Variants in SBK1 observed in about 807,000 individuals in gnomAD.
SBK1 encodes serine/threonine-protein kinase SBK1.
A neutral mutation model predicts 24.4 loss-of-function variants in SBK1; 11 were observed. That is an observed-to-expected ratio of 0.45 (90% CI 0.28 to 0.75). The LOEUF (loss-of-function observed/expected upper bound fraction) is 0.75, where lower values mean the gene tolerates loss of function less well. SBK1 is among the 30% of genes least tolerant of loss of function. The pLI is 0.12. For synonymous variants in SBK1, 308 were observed against 284.4 expected, an observed-to-expected ratio of 1.08 and a Z score of -0.83; for missense variants, 467 against 620.5, an observed-to-expected ratio of 0.75 and a Z score of 2.63.
chr16:28,302,963 G>GC (rs2044689296), intron 1 of SBK1, among the ~76,000 whole-genome samples: 1 of 123,374 alleles, frequency 8.1e-6, no homozygotes, highest in African/African-American at 4.2e-5. Flanking sequence ...GCAGGGCATG[G>GC]GGGGGGGTCA....
chr16:28,289,158 A>C (rs1486061284), upstream of SBK1, among the ~76,000 whole-genome samples: 1 of 152,168 alleles, frequency 6.6e-6, no homozygotes, highest in Non-Finnish European at 1.5e-5. Context: ...GTGCTCTCTA[A>C]GTGCTAACAT....
chr16:28,293,352 A>G (rs1164053106), intron 1 of SBK1, 52 bp downstream of exon 1: 2 of 883,976 alleles, frequency 2.3e-6, no homozygotes, highest in African/African-American at 1.8e-5. Flanking sequence ...CGAGGTCCCC[A>G]TAGCCCTGCA....
chr16:28,296,931 C>T (rs141862117), intron 1 of SBK1, among the ~76,000 whole-genome samples: 26 of 152,292 alleles, frequency 1.7e-4, no homozygotes, highest in African/African-American at 5.5e-4. Flanking sequence ...TGGATGAAAG[C>T]TTCTTGTAGC....
At chr16:28,295,050 A>G (rs1277485576) in intron 1 of SBK1, among the ~76,000 whole-genome samples, 2 of 152,140 alleles carry the variant, frequency 1.3e-5, no homozygotes, top group Non-Finnish European at 2.9e-5. Flanking sequence ...GAAGGAGTTC[A>G]TTTCCCCCCA....
At chr16:28,308,772 TG>T (rs2044734379) in intron 1 of SBK1, among the ~76,000 whole-genome samples, 14 of 149,484 alleles carry the variant, frequency 9.4e-5, no homozygotes, top group African/African-American at 3.5e-4. Flanking sequence ...TGTGTGTGTG[TG>T]TGTGTGTTTG....
At chr16:28,263,722 A>G (rs568604837) in intron 1 of SBK1, among the ~76,000 whole-genome samples, 1 of 152,222 alleles carries the variant, frequency 6.6e-6, no homozygotes, top group Non-Finnish European at 1.5e-5. Flanking sequence ...ATTTCAGGCT[A>G]TGCTTGGGAG....
At chr16:28,280,827 G>A (rs921885951) in intron 1 of SBK1, among the ~76,000 whole-genome samples, 11 of 152,068 alleles carry the variant, frequency 7.2e-5, no homozygotes, top group Non-Finnish European at 1.5e-5. Context: ...ACCACACCCA[G>A]CTAATTTTTG....
chr16:28,263,808 G>A (rs2044411743), intron 1 of SBK1, among the ~76,000 whole-genome samples: 1 of 152,162 alleles, frequency 6.6e-6, no homozygotes, highest in Non-Finnish European at 1.5e-5. Flanking sequence ...TTGGAGATGG[G>A]GAAGTAAGAA....
chr16:28,280,149 A>ATATATATATATATG (rs1230385223), intron 1 of SBK1, among the ~76,000 whole-genome samples: 55 of 39,402 alleles, frequency 1.4e-3, no homozygotes, highest in African/African-American at 3.5e-3. Context: ...ATATATATAT[A>ATATATATATATATG]TGTGTGTGTG....
intron 1 of SBK1, among the ~76,000 whole-genome samples, chr16:28,293,960 G>A (rs1031105677): frequency 6.6e-6 from 1 of 152,184 alleles, no homozygotes; most frequent in South Asian, 2.1e-4. Context: ...TTTCTGGGGA[G>A]GAGAGGTAGC....
rs1391151715 is a variant in SBK1 at position 28,317,169 on chromosome 16, G to A, written c.-7-216G>A. ...GCTGGTGCCACCAAGCGCAGGGTCT[G>A]GCAGTGACTGGTCTTCGGGGAGCTG... is the stretch of plus-strand genomic sequence containing the variant. On this transcript the variant is annotated intron_variant, in intron 1 of 3. Transcript: ENST00000341901. This position sits in a 1 kb window ranked among gnomAD's most constrained non-coding sequence, Gnocchi z 4.2. Among the ~76,000 whole-genome samples the A allele has an allele frequency of 6.6e-6, 1 of 152,094 alleles. No homozygotes were observed. Among genetic ancestry groups the A allele is most frequent in the African/African-American group, 2.4e-5 (1 of 41,398 alleles).
chr16:28,264,554 A>T (rs1238016483), intron 1 of SBK1, among the ~76,000 whole-genome samples: 1 of 151,680 alleles, frequency 6.6e-6, no homozygotes, highest in East Asian at 1.9e-4. Context: ...CCTGGGCAAT[A>T]GAGCGAGACT....
intron 1 of SBK1, among the ~76,000 whole-genome samples, chr16:28,316,674 C>G (rs776846950): frequency 6.6e-6 from 1 of 152,104 alleles, no homozygotes; most frequent in South Asian, 2.1e-4. Context: ...ATGTAACAAG[C>G]CTGCACATCC....
intron 1 of SBK1, among the ~76,000 whole-genome samples, chr16:28,270,742 C>T (rs2044459885): frequency 6.6e-6 from 1 of 151,482 alleles, no homozygotes; most frequent in Non-Finnish European, 1.5e-5. Flanking sequence ...GAATTCAATA[C>T]TTAGCCAAAC....
chr16:28,286,423 C>A (rs2044565585), intron 1 of SBK1: 2 of 152,502 alleles, frequency 1.3e-5, no homozygotes, highest in African/African-American at 2.4e-5. Flanking sequence ...GCCTGTAATC[C>A]CAGCACTTTG....
chr16:28,316,601 CA>C (rs944708214), intron 1 of SBK1, among the ~76,000 whole-genome samples: 14 of 146,190 alleles, frequency 9.6e-5, no homozygotes, highest in South Asian at 2.2e-4. Flanking sequence ...GCCAACTCTA[CA>C]AAAAAAAAAT....
chr16:28,294,960 T>C (rs1194189068), intron 1 of SBK1, among the ~76,000 whole-genome samples: 1 of 151,966 alleles, frequency 6.6e-6, no homozygotes, highest in Non-Finnish European at 1.5e-5. Context: ...TGACAGAGAG[T>C]GAGCCTCTCT....
At chr16:28,312,855 C>A (rs1320709020) in intron 1 of SBK1, among the ~76,000 whole-genome samples, 1 of 151,904 alleles carries the variant, frequency 6.6e-6, no homozygotes, top group Non-Finnish European at 1.5e-5. Context: ...AAATATGGGC[C>A]GGATGCGGTG....
chr16:28,295,201 T>C (rs1412493045), intron 1 of SBK1, among the ~76,000 whole-genome samples: 1 of 152,062 alleles, frequency 6.6e-6, no homozygotes, highest in African/African-American at 2.4e-5. Context: ...GAGCAAGACC[T>C]CCCCTCCTCA....
Sources: gnomAD v4.1 joint callset for allele counts (sites outside exome capture counted in the v4.1 genomes callset) on GRCh38, gnomAD v4.1.1 for gene constraint, Gnocchi (gnomAD v3.1) non-coding constraint, MANE v1.5 for transcripts, NCBI Gene and HGNC (gene_info 2026-07-23, HGNC 2026-07-21) for gene names.